Variants in SLC12A8 observed in about 807,000 individuals in gnomAD.
SLC12A8 encodes the protein cation-chloride cotransporter 9.
SLC12A8 carries 69 observed loss-of-function variants against 75.6 expected under a neutral mutation model. The observed-to-expected ratio is 0.91, with a 90% CI of 0.75 to 1.11. The LOEUF (loss-of-function observed/expected upper bound fraction) is 1.11, where lower values mean the gene tolerates loss of function less well. Among genes scored for constraint, SLC12A8 ranks in the 50% most tolerant of loss-of-function variants. The probability of loss-of-function intolerance (pLI) is 0.00; values close to 1 mark genes in which losing one functional copy is unlikely to be tolerated. For synonymous variants in SLC12A8, 365 were observed against 372.8 expected (o/e 0.98, Z 0.24); for missense variants, 877 against 896.7 (o/e 0.98, Z 0.28).
intron 2 of SLC12A8, among the ~76,000 whole-genome samples, chr3:125,209,575 G>T (rs1166981180): frequency 6.6e-6 from 1 of 152,168 alleles, no homozygotes; most frequent in Non-Finnish European, 1.5e-5. Flanking sequence ...CACTGATGGG[G>T]CAACTTCTAT....
chr3:125,145,303 C>T (rs572537847), intron 5 of SLC12A8, among the ~76,000 whole-genome samples: 4 of 152,290 alleles, frequency 2.6e-5, no homozygotes, highest in East Asian at 3.9e-4. Context: ...GCAGGCACCA[C>T]GCTCTCTTAT....
At chr3:125,191,510 C>T (rs529895799) in intron 2 of SLC12A8, among the ~76,000 whole-genome samples, 2 of 152,292 alleles carry the variant, frequency 1.3e-5, no homozygotes, top group African/African-American at 4.8e-5. Flanking sequence ...GAGAGAGAGG[C>T]ATCCAAAGCT....
intron 5 of SLC12A8, among the ~76,000 whole-genome samples, chr3:125,157,852 T>G (rs1934082194): frequency 3.9e-5 from 6 of 152,172 alleles, no homozygotes; most frequent in Admixed American, 3.9e-4. Context: ...AAATGGTGAT[T>G]GTTTGGTTAG....
intron 2 of SLC12A8, among the ~76,000 whole-genome samples, chr3:125,209,250 C>G (rs894145070): frequency 2.0e-5 from 3 of 152,174 alleles, no homozygotes; most frequent in African/African-American, 7.2e-5. Context: ...AGGCACATAG[C>G]AAAAAGGATG....
intron 5 of SLC12A8, among the ~76,000 whole-genome samples, chr3:125,138,370 C>T (rs1933545275): frequency 6.6e-6 from 1 of 152,052 alleles, no homozygotes; most frequent in South Asian, 2.1e-4. Context: ...CACTGCAGTC[C>T]AGCCTGGGCA....
rs753261255 is a variant in SLC12A8, at chr3:125,190,495, C to T, written c.78G>A (p.Trp26Ter). Residue 26 changes from tryptophan (W) to a stop codon, truncating the protein, a stop_gained, in exon 3 of 14, where the codon TGG becomes TGA. Coordinates refer to ENST00000469902, the MANE Select transcript of SLC12A8 (RefSeq NM_024628.6). LOFTEE classifies it high-confidence loss of function. Reference sequence around the variant, plus strand: ...CCCACATGAACAGCTGGGTCTTCCACCAGGGCTGGGGCTGGGCCAGGGCAT... The same window carrying T: ...CCCACATGAACAGCTGGGTCTTCCATCAGGGCTGGGGCTGGGCCAGGGCAT... ...QQDALAQPQP[W>*]WKTQLFMWEP... is the part of the protein sequence containing the mutation. The T allele has an allele frequency of 6.2e-7, 1 of 1,614,162 alleles. No homozygotes were observed. The highest frequency in any genetic ancestry group is 1.3e-5 in the African/African-American group (1 of 75,050).
chr3:125,199,025 T>A lies in SLC12A8; in HGVS notation c.52-8504A>T, dbSNP rs368720491. ...GATCTCCTGACCTCGTGATCCACCC[T>A]CCTTGGCCTCCCAAAGTGCTGGGAT... On this transcript the variant is annotated intron_variant, in intron 2 of 13. Transcript: ENST00000469902. Among the ~76,000 whole-genome samples, 70 of 152,082 alleles carry A rather than the reference T, an allele frequency of 4.6e-4. 2 individuals are homozygous for A. The highest frequency in any genetic ancestry group is 1.5e-3 in the African/African-American group (63 of 41,510).
intron 5 of SLC12A8, among the ~76,000 whole-genome samples, chr3:125,142,103 C>G (rs1933662939): frequency 6.6e-6 from 1 of 152,236 alleles, no homozygotes. Flanking sequence ...AGCACCTGTA[C>G]CTCGCCAGAC....
chr3:125,137,729 G>A (rs1254511249), intron 5 of SLC12A8, among the ~76,000 whole-genome samples: 2 of 152,230 alleles, frequency 1.3e-5, no homozygotes, highest in Non-Finnish European at 2.9e-5. Context: ...AGGTTCAGAG[G>A]GATTTCAGGC....
chr3:125,107,321 A>C (rs543378554), intron 10 of SLC12A8, among the ~76,000 whole-genome samples, 160 bp downstream of exon 10: 9 of 152,242 alleles, frequency 5.9e-5, no homozygotes, highest in Non-Finnish European at 1.3e-4. Flanking sequence ...AATTACAAAT[A>C]ATTCAGCTGA....
intron 6 of SLC12A8, among the ~76,000 whole-genome samples, chr3:125,134,405 T>A (rs1185748555): frequency 6.6e-6 from 1 of 152,336 alleles, no homozygotes; most frequent in Admixed American, 6.5e-5. Context: ...CCACCACGCC[T>A]GACCAGTTAT....
chr3:125,119,742 A>C, intron 7 of SLC12A8: 1 of 410,742 alleles, frequency 2.4e-6, no homozygotes, highest in African/African-American at 2.0e-5. Flanking sequence ...CTAAGAACAA[A>C]TTCAGTGTTT....
At chr3:125,148,540 T>G (rs532866405) in intron 5 of SLC12A8, among the ~76,000 whole-genome samples, 1 of 152,216 alleles carries the variant, frequency 6.6e-6, no homozygotes, top group East Asian at 1.9e-4. Flanking sequence ...CTTTGTATAT[T>G]ATTTAACTTT....
chr3:125,136,498 C>A (rs1336772476), intron 5 of SLC12A8, among the ~76,000 whole-genome samples: 1 of 152,210 alleles, frequency 6.6e-6, no homozygotes, highest in African/African-American at 2.4e-5. Flanking sequence ...CACAGTAGGA[C>A]TTTCCCCAAC....
At chr3:125,188,938 T>C (rs1934853803) in intron 3 of SLC12A8, among the ~76,000 whole-genome samples, 2 of 152,204 alleles carry the variant, frequency 1.3e-5, no homozygotes, top group African/African-American at 4.8e-5. Context: ...GGGCTAAGAA[T>C]CCTGTACATC....
rs561086061 is a variant in SLC12A8 at position 125,205,594 on chromosome 3, C to T, written c.51+5705G>A. On this transcript the variant is annotated intron_variant, in intron 2 of 13. Transcript: ENST00000469902. Reference sequence around the variant, plus strand: ...CAGTGTGCATATGAAATGCTTCCGCCGCATCTCAATCCTGAGAACAGGATC... The same window carrying T: ...CAGTGTGCATATGAAATGCTTCCGCTGCATCTCAATCCTGAGAACAGGATC... Among the ~76,000 whole-genome samples, 9 of 152,262 alleles carry T rather than the reference C, an allele frequency of 5.9e-5. 1 individual carries two copies. The South Asian group carries it at 1.9e-3, about 32-fold the overall frequency.
At chr3:125,199,011 C>A (rs1396250254) in intron 2 of SLC12A8, among the ~76,000 whole-genome samples, 3 of 151,990 alleles carry the variant, frequency 2.0e-5, no homozygotes, top group Admixed American at 6.6e-5. Flanking sequence ...ATCTCCTGAC[C>A]TCGTGATCCA....
intron 5 of SLC12A8, among the ~76,000 whole-genome samples, chr3:125,136,016 G>A (rs1348977076): frequency 6.6e-6 from 1 of 152,204 alleles, no homozygotes; most frequent in Non-Finnish European, 1.5e-5. Context: ...AAAGGAAGCA[G>A]TGGTTACTTC....
chr3:125,118,089 T>C (rs1363384791), intron 8 of SLC12A8, among the ~76,000 whole-genome samples: 1 of 152,260 alleles, frequency 6.6e-6, no homozygotes, highest in African/African-American at 2.4e-5. Flanking sequence ...TTTGATTCAT[T>C]GTGGAAGGTG....
Sources: allele counts gnomAD v4.1 joint callset (sites outside exome capture counted in the v4.1 genomes callset), GRCh38; gene constraint gnomAD v4.1.1; transcripts MANE v1.5; gene names NCBI Gene and HGNC (gene_info 2026-07-23, HGNC 2026-07-21).